Variants in SLC7A1 observed in about 807,000 individuals in gnomAD.
SLC7A1 encodes the protein high affinity cationic amino acid transporter 1.
Under a neutral mutation model 53.9 loss-of-function variants are expected in SLC7A1, and 10 were observed. That is an observed-to-expected ratio of 0.19 (90% CI 0.11 to 0.31). The LOEUF is 0.31. Among genes scored for constraint, SLC7A1 ranks in the 10% least tolerant of loss-of-function variants. The probability of loss-of-function intolerance (pLI) is 1.00; values close to 1 mark genes in which losing one functional copy is unlikely to be tolerated. For missense variants in SLC7A1, 525 were observed against 827.2 expected (o/e 0.63, Z 4.48); for synonymous variants, 342 against 338.7 (o/e 1.01, Z -0.11).
intron 1 of SLC7A1, among the ~76,000 whole-genome samples, chr13:29,560,501 T>C (rs1870704640): frequency 6.6e-6 from 1 of 150,718 alleles, no homozygotes; most frequent in Non-Finnish European, 1.5e-5. Context: ...AATATATACA[T>C]ATATATTACT....
chr13:29,531,704 C>T (rs192937753), intron 4 of SLC7A1, among the ~76,000 whole-genome samples: 5 of 152,106 alleles, frequency 3.3e-5, no homozygotes, highest in African/African-American at 4.8e-5. Context: ...TGTGGTGGTG[C>T]GTGTCTGTAA....
chr13:29,571,835 T>C (rs111383258), intron 1 of SLC7A1, among the ~76,000 whole-genome samples: 2,769 of 152,350 alleles, frequency 0.018, 87 homozygotes, highest in African/African-American at 0.062. Context: ...TATCCCGCTT[T>C]ACGTCTCTAA....
At chr13:29,592,292 A>G (rs1015783984) in intron 1 of SLC7A1, among the ~76,000 whole-genome samples, 1 of 152,198 alleles carries the variant, frequency 6.6e-6, no homozygotes, top group East Asian at 1.9e-4. Flanking sequence ...AAAAAGCCCA[A>G]TGAAAGCCAC....
intron 1 of SLC7A1, among the ~76,000 whole-genome samples, chr13:29,560,870 A>G (rs1011777481): frequency 5.3e-5 from 8 of 152,240 alleles, no homozygotes; most frequent in African/African-American, 1.9e-4. Flanking sequence ...ACCCCAAAAT[A>G]TCAGAAAACA....
At position 29,510,065 on chromosome 13, in the gene SLC7A1, T is replaced by C. The variant is rs1244778315; in HGVS notation, c.*4415A>G. 4.6e-5 allele frequency: 7 copies of C among 152,688 alleles called. No homozygotes were observed. Among genetic ancestry groups the C allele is most frequent in the African/African-American group, 1.7e-4 (7 of 41,468 alleles). The allele number at this position is 152,688 out of a possible 1,614,324, so 9.5% of individuals were successfully genotyped here. Reference sequence around the variant, plus strand: ...ATCTTTCCATCCTGCTTCCTGACCCTGCTGGACACACTAATAAATACCCTG... The same window carrying C: ...ATCTTTCCATCCTGCTTCCTGACCCCGCTGGACACACTAATAAATACCCTG... On this transcript the variant is annotated 3_prime_UTR_variant, in exon 13 of 13. Coordinates refer to ENST00000380752, the MANE Select transcript of SLC7A1 (RefSeq NM_003045.5).
At chr13:29,517,074 A>G in intron 11 of SLC7A1, 70 bp downstream of exon 11, 2 of 1,436,888 alleles carry the variant, frequency 1.4e-6, no homozygotes, top group Non-Finnish European at 1.9e-6. Flanking sequence ...GAGCCCACGC[A>G]GGGCTGGCCA....
chr13:29,550,036 C>T (rs900061967), intron 2 of SLC7A1, among the ~76,000 whole-genome samples: 2 of 152,238 alleles, frequency 1.3e-5, no homozygotes, highest in African/African-American at 4.8e-5. Flanking sequence ...ATAATATTCT[C>T]TGCAGTCTCC....
At position 29,570,390 on chromosome 13, in the gene SLC7A1, A is replaced by T. The variant is rs2776949; in HGVS notation, c.-114-16530T>A. Among the ~76,000 whole-genome samples, 527 of 152,328 alleles carry T rather than the reference A, an allele frequency of 3.5e-3. 4 individuals carry two copies. The highest frequency in any genetic ancestry group is 0.012 in the African/African-American group (494 of 41,580). On this transcript the variant is annotated intron_variant, in intron 1 of 12. Coordinates refer to ENST00000380752, the MANE Select transcript of SLC7A1 (RefSeq NM_003045.5). ...CAGAAGCCCTGCCCTCGCTGTGTGA[A>T]CTTGAACAAGTTACGCTATGTTGCT...
rs540630531 is a variant in SLC7A1 at position 29,539,471 on chromosome 13, C to T, written c.-14-3269G>A. Among the ~76,000 whole-genome samples, 9 of 152,240 alleles carry T rather than the reference C, an allele frequency of 5.9e-5. No individual in the cohort carries two copies. In the South Asian group the frequency reaches 1.9e-3, roughly 32 times the overall value. On this transcript the variant is annotated intron_variant, in intron 2 of 12. Coordinates refer to ENST00000380752, the MANE Select transcript of SLC7A1 (RefSeq NM_003045.5). ...AACCAAGCAACTTATGCTGGGGGGA[C>T]CTCTGAACCCCCTTCAAAATGAAGG...
At chr13:29,544,315 C>T (rs921119961) in intron 2 of SLC7A1, among the ~76,000 whole-genome samples, 2 of 152,166 alleles carry the variant, frequency 1.3e-5, no homozygotes, top group Admixed American at 1.3e-4. Context: ...TGAGATTATA[C>T]GCATGTTTTT....
intron 1 of SLC7A1, among the ~76,000 whole-genome samples, chr13:29,592,238 G>C (rs1398497979): frequency 6.6e-6 from 1 of 152,154 alleles, no homozygotes; most frequent in Non-Finnish European, 1.5e-5. Context: ...TTCACCAAAT[G>C]CAATACCTGC....
chr13:29,545,378 C>T (rs1287950869), intron 2 of SLC7A1, among the ~76,000 whole-genome samples: 1 of 152,082 alleles, frequency 6.6e-6, no homozygotes, highest in Non-Finnish European at 1.5e-5. Context: ...CAGGTCCCTA[C>T]CACTCTTCCT....
chr13:29,522,445 G>A lies in SLC7A1; in HGVS notation c.1061C>T (p.Ser354Phe). The change falls in exon 8 of 13, where the codon TCC (serine) becomes TTC (phenylalanine). Residue 354 changes from serine (S) to phenylalanine (F), a missense_variant. Physicochemically the swap from Ser to Phe is radical, Grantham distance 155. Coordinates refer to ENST00000380752, the MANE Select transcript of SLC7A1 (RefSeq NM_003045.5). ...GATAACCCGAGGCATGGGAAACATG[G>A]AACCTAGAAGACTAGATGGGGAGAG... ...LCALSASLLG[S>F]MFPMPRVIYA... The A allele has an allele frequency of 6.2e-7, 1 of 1,614,162 alleles. No homozygotes were observed. The highest frequency in any genetic ancestry group is 8.5e-7 in the Non-Finnish European group (1 of 1,180,014).
At chr13:29,585,594 T>C (rs1345357040) in intron 1 of SLC7A1, among the ~76,000 whole-genome samples, 2 of 152,166 alleles carry the variant, frequency 1.3e-5, no homozygotes, top group Non-Finnish European at 2.9e-5. Flanking sequence ...GAACACCCAG[T>C]GAGTACCAGT....
At chr13:29,582,168 G>C (rs543990609) in intron 1 of SLC7A1, among the ~76,000 whole-genome samples, 10 of 152,344 alleles carry the variant, frequency 6.6e-5, no homozygotes, top group Non-Finnish European at 1.0e-4. Context: ...GAAATGAGGA[G>C]GGCTGCTTGC....
chr13:29,522,532 G>T lies in SLC7A1; in HGVS notation c.1050-76C>A, dbSNP rs1868676234. On this transcript the variant is annotated intron_variant, in intron 7 of 12. Transcript: ENST00000380752. The stretch of plus-strand genomic sequence containing the variant: ...AAGGCACCACATCCAGCCATGCTCG[G>T]TTTACCACGGAGGAGAGGGAGTCTG... 5 of 1,532,770 alleles carry T rather than the reference G, an allele frequency of 3.3e-6. No homozygotes were observed. In the African/African-American group the frequency reaches 5.5e-5, roughly 17 times the overall value. 94.9% of individuals were successfully genotyped at this position (1,532,770 alleles called of 1,614,324 possible).
intron 2 of SLC7A1, among the ~76,000 whole-genome samples, chr13:29,537,090 G>C (rs1314775092): frequency 6.6e-6 from 1 of 152,196 alleles, no homozygotes; most frequent in African/African-American, 2.4e-5. Flanking sequence ...GGACAGGCCA[G>C]CAGCCACCCT....
chr13:29,539,308 C>T (rs1490320764), intron 2 of SLC7A1, among the ~76,000 whole-genome samples: 1 of 152,136 alleles, frequency 6.6e-6, no homozygotes, highest in Admixed American at 6.5e-5. Context: ...CTCTGTAGAA[C>T]GGAAGGCGAA....
At chr13:29,537,943 G>A (rs140780927) in intron 2 of SLC7A1, among the ~76,000 whole-genome samples, 6 of 152,274 alleles carry the variant, frequency 3.9e-5, no homozygotes, top group Non-Finnish European at 8.8e-5. Flanking sequence ...GCTGCCGGGC[G>A]GGCGCAGTGC....
Sources: allele counts gnomAD v4.1 joint callset (sites outside exome capture counted in the v4.1 genomes callset), GRCh38; gene constraint gnomAD v4.1.1; transcripts MANE v1.5; gene names NCBI Gene and HGNC (gene_info 2026-07-23, HGNC 2026-07-21).